The following SLAMF1 variants were observed in gnomAD, a reference collection of about 807,000 sequenced individuals.
SLAMF1 encodes signaling lymphocytic activation molecule family member 1, also known as signaling lymphocytic activation molecule.
A neutral mutation model predicts 35.1 loss-of-function variants in SLAMF1; 18 were observed. That is an observed-to-expected ratio of 0.51 (90% CI 0.35 to 0.76). The LOEUF (loss-of-function observed/expected upper bound fraction) is 0.76. Among genes scored for constraint, SLAMF1 ranks in the 30% least tolerant of loss-of-function variants. SLAMF1 has a pLI of 0.01. For synonymous variants in SLAMF1, 168 were observed against 157.2 expected, an observed-to-expected ratio of 1.07 and a Z score of -0.51; for missense variants, 392 against 413.0, an observed-to-expected ratio of 0.95 and a Z score of 0.44.
rs1658813525 is a variant in SLAMF1 at position 160,608,470 on chromosome 1, T to C, written c.*2278A>G. 1 of 152,226 alleles carries C rather than the reference T, an allele frequency of 6.6e-6. No homozygotes were observed. Among genetic ancestry groups the C allele is most frequent in the African/African-American group, 2.4e-5 (1 of 41,522 alleles). The allele number at this position is 152,226 out of a possible 1,614,324, so 9.4% of individuals were successfully genotyped here. A position where few individuals can be genotyped will look rare whatever the true frequency, so the allele number is the denominator to read the frequency against. On this transcript the variant is annotated 3_prime_UTR_variant, in exon 7 of 7. Transcript: ENST00000302035. ...GTGCCATTTGGGGGAAACTAGAGAG[T>C]TGTGAATGTATCACCAGAAGGGGTT... is the stretch of plus-strand genomic sequence containing the variant.
intron 1 of SLAMF1, among the ~76,000 whole-genome samples, chr1:160,645,701 C>G (rs373867781): frequency 6.6e-6 from 1 of 152,178 alleles, no homozygotes; most frequent in Admixed American, 6.5e-5. Flanking sequence ...TTCTGAGCCC[C>G]GAGCTCAGTT....
intron 5 of SLAMF1, chr1:160,615,762 GAC>G (rs1360181436): frequency 2.9e-5 from 10 of 346,194 alleles, no homozygotes; most frequent in African/African-American, 2.0e-4. Context: ...GTCTGATGAT[GAC>G]TGTCCTTATA....
chr1:160,614,841 TAA>T (rs1056151116), intron 5 of SLAMF1, among the ~76,000 whole-genome samples: 8 of 152,186 alleles, frequency 5.3e-5, no homozygotes, highest in African/African-American at 1.4e-4. Context: ...ATAAATATAA[TAA>T]GTTAGTATAT....
chr1:160,612,392 C>T, intron 6 of SLAMF1, 96 bp downstream of exon 6: 1 of 723,436 alleles, frequency 1.4e-6, no homozygotes, highest in East Asian at 2.7e-5. Context: ...TTCCCTGATC[C>T]TCTCCCTCTT....
In SLAMF1 at chr1:160,636,574, G is replaced by A. The variant is rs574980008; in HGVS notation, c.415+617C>T. 2.0e-3 allele frequency among the ~76,000 whole-genome samples: 312 copies of A among 152,338 alleles called. 1 individual carries two copies. Among genetic ancestry groups the A allele is most frequent in the Middle Eastern group, 6.8e-3 (2 of 294 alleles). On this transcript the variant is annotated intron_variant, in intron 2 of 6. Coordinates refer to ENST00000302035, the MANE Select transcript of SLAMF1 (RefSeq NM_003037.5). ...CTGGCCTTGGATTCAGGTGGACTTG[G>A]TTCCTAGTTTAAGTACAGCAACTAA...
intron 5 of SLAMF1, among the ~76,000 whole-genome samples, chr1:160,617,550 C>T (rs536021849): frequency 1.3e-5 from 2 of 152,034 alleles, no homozygotes; most frequent in South Asian, 4.2e-4. Flanking sequence ...AAAGATAATA[C>T]TGAGCAAAAT....
chr1:160,614,366 G>A (rs1347244256), intron 5 of SLAMF1, among the ~76,000 whole-genome samples: 1 of 151,154 alleles, frequency 6.6e-6, no homozygotes, highest in African/African-American at 2.4e-5. Flanking sequence ...ACGAGGTCAG[G>A]AGATCGAGAC....
At chr1:160,624,231 G>T in intron 3 of SLAMF1, 46 bp from the exon 4 acceptor site, 1 of 1,314,130 alleles carries the variant, frequency 7.6e-7, no homozygotes. Flanking sequence ...AGTATTCTGA[G>T]CTTAAAAACA....
chr1:160,635,324 G>GGT (rs1037473741), intron 2 of SLAMF1, among the ~76,000 whole-genome samples: 22 of 151,980 alleles, frequency 1.4e-4, no homozygotes, highest in Admixed American at 3.9e-4. Flanking sequence ...TGTGTGGGAG[G>GGT]GTGTGTGTGT....
chr1:160,617,605 A>G (rs967472108), intron 5 of SLAMF1, among the ~76,000 whole-genome samples: 3 of 152,262 alleles, frequency 2.0e-5, no homozygotes, highest in Non-Finnish European at 2.9e-5. Context: ...CAATTTTTAT[A>G]AAGTTCAAAA....
At chr1:160,615,647 G>T in intron 5 of SLAMF1, 1 of 223,312 alleles carries the variant, frequency 4.5e-6, no homozygotes. Context: ...CAAAAGATAT[G>T]TCCAGGCAGA....
At chr1:160,632,914 C>T (rs558723992) in intron 3 of SLAMF1, among the ~76,000 whole-genome samples, 1 of 152,124 alleles carries the variant, frequency 6.6e-6, no homozygotes, top group Non-Finnish European at 1.5e-5. Flanking sequence ...CCTTACTTAA[C>T]CATGTTATAG....
rs751364777 is a variant in SLAMF1, at chr1:160,619,855, G to A, written c.791-6C>T. On this transcript the variant is annotated splice_region_variant and splice_polypyrimidine_tract_variant and intron_variant, in intron 4 of 6. Transcript: ENST00000302035. The stretch of plus-strand genomic sequence containing the variant: ...CTGGTAATGGTTCGTTTTACCTGGT[G>A]AAAAGAAACCATAATGGTTATCTCC... 5.0e-6 allele frequency: 8 copies of A among 1,599,510 alleles called. No homozygotes were observed. In the Admixed American group the frequency reaches 5.0e-5, roughly 10 times the overall value.
At chr1:160,620,588 T>C (rs1052517173) in intron 4 of SLAMF1, among the ~76,000 whole-genome samples, 15 of 152,142 alleles carry the variant, frequency 9.9e-5, no homozygotes, top group African/African-American at 3.4e-4. Flanking sequence ...TGTGAAGAAA[T>C]ATATAAAGTA....
intron 5 of SLAMF1, among the ~76,000 whole-genome samples, chr1:160,618,719 C>G (rs1193249437): frequency 6.6e-6 from 1 of 151,972 alleles, no homozygotes; most frequent in Non-Finnish European, 1.5e-5. Context: ...CTACATGTGG[C>G]TAGTGACTAC....
chr1:160,630,571 G>T (rs1660113732), intron 3 of SLAMF1, among the ~76,000 whole-genome samples: 1 of 152,114 alleles, frequency 6.6e-6, no homozygotes, highest in South Asian at 2.1e-4. Context: ...TTCATCCCAA[G>T]GCTGGGGTTT....
rs574370530 is a variant in SLAMF1, at chr1:160,624,138, T to C, written c.748A>G (p.Met250Val). The change falls in exon 4 of 7, where the codon ATG (methionine) becomes GTG (valine). Residue 250 changes from methionine (M) to valine (V), a missense_variant. Coordinates refer to ENST00000302035, the MANE Select transcript of SLAMF1 (RefSeq NM_003037.5). ...VYAGLLGGVI[M>V]ILIMVVILQL... ...AGTATTACCACCATGATGAGAATCATGATGACACCCCCTAACAGCCCAGCA... is the reference window on the plus strand; with the variant it reads ...AGTATTACCACCATGATGAGAATCACGATGACACCCCCTAACAGCCCAGCA... The C allele has an allele frequency of 6.2e-7, 1 of 1,611,544 alleles. No homozygotes were observed. The highest frequency in any genetic ancestry group is 1.1e-5 in the South Asian group (1 of 90,592).
chr1:160,614,550 G>T (rs1253927697), intron 5 of SLAMF1, among the ~76,000 whole-genome samples: 1 of 147,720 alleles, frequency 6.8e-6, no homozygotes, highest in Admixed American at 6.8e-5. Context: ...CTCTAGCCTG[G>T]CGACAGAGTG....
At chr1:160,644,793 G>T (rs1282174513) in intron 1 of SLAMF1, among the ~76,000 whole-genome samples, 1 of 152,136 alleles carries the variant, frequency 6.6e-6, no homozygotes, top group Non-Finnish European at 1.5e-5. Context: ...TTGACATCTT[G>T]GGATAGAATG....
Sources: allele counts gnomAD v4.1 joint callset (sites outside exome capture counted in the v4.1 genomes callset), GRCh38; gene constraint gnomAD v4.1.1; transcripts MANE v1.5; gene names NCBI Gene and HGNC (gene_info 2026-07-23, HGNC 2026-07-21).